Variants in GRPR observed in about 807,000 individuals in gnomAD.
GRPR encodes the protein gastrin-releasing peptide receptor.
In GRPR, 4 loss-of-function variants were observed where a neutral mutation model predicts 15.6. The ratio of observed to expected loss-of-function variants is 0.26; its 90% CI spans 0.13 to 0.59. The LOEUF is 0.59. GRPR is among the 20% of genes least tolerant of loss of function. GRPR has a pLI of 0.90. For synonymous variants in GRPR, 128 were observed against 126.8 expected, an observed-to-expected ratio of 1.01 and a Z score of -0.06; for missense variants, 270 against 304.1, an observed-to-expected ratio of 0.89 and a Z score of 0.83.
intron 1 of GRPR, among the ~76,000 whole-genome samples, chrX:16,128,253 G>A (rs1403640797): frequency 1.8e-5 from 2 of 112,298 alleles, no homozygotes; most frequent in African/African-American, 3.2e-5. Flanking sequence ...AGTGGCTCGC[G>A]CCTGTAATCC....
rs766017713 is a variant in GRPR, at chrX:16,149,991, TTTTA to T, written c.414-302_414-299del. On this transcript the variant is annotated intron_variant, in intron 1 of 2. Coordinates refer to ENST00000380289, the MANE Select transcript of GRPR (RefSeq NM_005314.3). Reference sequence around the variant, plus strand: ...GTTGTATACAGTAAATATATACAATTTTTATTTATTTATTTTTAATTGGCTTTAA... The same window carrying T: ...GTTGTATACAGTAAATATATACAATTTTTATTTATTTTTAATTGGCTTTAA... Among the ~76,000 whole-genome samples the T allele has an allele frequency of 4.6e-4, 51 of 111,898 alleles. No homozygotes were observed. In the South Asian group the frequency reaches 6.8e-3, roughly 15 times the overall value.
At chrX:16,139,581 A>G (rs1301101689) in intron 1 of GRPR, among the ~76,000 whole-genome samples, 1 of 111,759 alleles carries the variant, frequency 8.9e-6, no homozygotes, top group Non-Finnish European at 1.9e-5. Flanking sequence ...GATTTAAATA[A>G]TGCTGTTTTT....
rs1922244264 is a variant in GRPR, at chrX:16,123,858, C to T, written c.-96C>T. The stretch of plus-strand genomic sequence containing the variant: ...TTTTTATTAAAGAAGGCAAAGAGCC[C>T]GGCATAGATCTTATCTTCATCTTCA... On this transcript the variant is annotated 5_prime_UTR_variant, in exon 1 of 3. Transcript: ENST00000380289. 1.3e-5 allele frequency: 9 copies of T among 677,465 alleles called. No individual in the cohort carries two copies. The highest frequency in any genetic ancestry group is 3.2e-5 in the East Asian group (1 of 31,335). The allele number at this position is 677,465 out of a possible 1,213,427, so 55.8% of individuals were successfully genotyped here.
At chrX:16,145,367 A>T (rs1435000057) in intron 1 of GRPR, among the ~76,000 whole-genome samples, 1 of 112,160 alleles carries the variant, frequency 8.9e-6, no homozygotes, top group Non-Finnish European at 1.9e-5. Context: ...ATGGAACTGA[A>T]GATCATTTTG....
chrX:16,152,359 A>G lies in GRPR; in HGVS notation c.869A>G (p.His290Arg). ...GTCATCTACCTGTACCGCTCCTACCACTACTCTGAGGTGGACACCTCCATG... is the reference window on the plus strand; with the variant it reads ...GTCATCTACCTGTACCGCTCCTACCGCTACTCTGAGGTGGACACCTCCATG... ...NHVIYLYRSY[H>R]YSEVDTSMLH... The change falls in exon 3 of 3, where the codon CAC (histidine) becomes CGC (arginine). Residue 290 changes from histidine to arginine, a missense_variant. Transcript: ENST00000380289. 1 of 1,209,573 alleles carries G rather than the reference A, an allele frequency of 8.3e-7. No homozygotes were observed. Among genetic ancestry groups the G allele is most frequent in the South Asian group, 1.8e-5 (1 of 56,872 alleles).
At chrX:16,128,250 C>G (rs972565613) in intron 1 of GRPR, among the ~76,000 whole-genome samples, 4 of 112,353 alleles carry the variant, frequency 3.6e-5, no homozygotes, top group African/African-American at 1.3e-4. Flanking sequence ...CGCAGTGGCT[C>G]GCGCCTGTAA....
intron 1 of GRPR, among the ~76,000 whole-genome samples, chrX:16,126,761 C>T (rs1922299743): frequency 8.9e-6 from 1 of 112,092 alleles, no homozygotes; most frequent in Non-Finnish European, 1.9e-5. Flanking sequence ...TGTATTAATA[C>T]GTGTAACAGT....
chrX:16,143,856 A>G (rs1678150997), intron 1 of GRPR, among the ~76,000 whole-genome samples: 1 of 111,837 alleles, frequency 8.9e-6, no homozygotes, highest in Non-Finnish European at 1.9e-5. Context: ...GGTTCTTTCT[A>G]GTTATTTTGT....
In GRPR at chrX:16,152,405, C is replaced by T; in HGVS notation, c.915C>T (p.Ile305=). The T allele has an allele frequency of 1.7e-6, 2 of 1,211,059 alleles. No individual in the cohort carries two copies. The highest frequency in any genetic ancestry group is 3.5e-5 in the South Asian group (2 of 56,963). Residue 305 remains isoleucine, a synonymous_variant, in exon 3 of 3, where the codon ATC becomes ATT. Coordinates refer to ENST00000380289, the MANE Select transcript of GRPR (RefSeq NM_005314.3). ...CCATGCTCCACTTTGTCACCAGCAT[C>T]TGTGCCCGCCTCCTGGCCTTCACCA... is the stretch of plus-strand genomic sequence containing the variant. ...DTSMLHFVTS[I]CARLLAFTNS...
chrX:16,141,728 G>A (rs1459754678), intron 1 of GRPR, among the ~76,000 whole-genome samples: 1 of 112,192 alleles, frequency 8.9e-6, no homozygotes, highest in Non-Finnish European at 1.9e-5. Context: ...AGATAAGGGA[G>A]GAAAGTACCA....
chrX:16,150,167 T>C lies in GRPR; in HGVS notation c.414-138T>C, dbSNP rs1922672846. ...ACTCTCAGGGTCACAGAGCTCAGAG[T>C]CGGCACCCTCAGGACCCGAAAGTGA... is the stretch of plus-strand genomic sequence containing the variant. On this transcript the variant is annotated intron_variant, in intron 1 of 2. Transcript: ENST00000380289. 13 of 491,549 alleles carry C rather than the reference T, an allele frequency of 2.6e-5. 1 individual carries two copies. The Admixed American group carries it at 3.1e-4, about 12-fold the overall frequency. The allele number at this position is 491,549 out of a possible 1,213,427, so 40.5% of individuals were successfully genotyped here.
Position 16,124,229 on chromosome X carries a change from G to A in GRPR, c.276G>A (p.Thr92=), listed in dbSNP as rs773153701. 3.3e-6 allele frequency: 4 copies of A among 1,209,834 alleles called. No homozygotes were observed. The highest frequency in any genetic ancestry group is 4.5e-6 in the Non-Finnish European group (4 of 893,920). The part of the protein sequence containing the change: ...LALGDLLLLI[T]CAPVDASRYL... The stretch of plus-strand genomic sequence containing the variant: ...TGGGAGACCTGCTCCTCCTAATAAC[G>A]TGTGCTCCAGTGGATGCCAGCAGGT... The change falls in exon 1 of 3, where the codon ACG becomes ACA. Residue 92 remains threonine, a synonymous_variant. Transcript: ENST00000380289.
At chrX:16,131,260 C>T (rs778102788) in intron 1 of GRPR, among the ~76,000 whole-genome samples, 2 of 111,334 alleles carry the variant, frequency 1.8e-5, no homozygotes, top group Non-Finnish European at 3.8e-5. Context: ...TGCGTAAATT[C>T]TCTCTTAATT....
chrX:16,151,432 CT>C (rs1411817720), intron 2 of GRPR, among the ~76,000 whole-genome samples: 1 of 111,843 alleles, frequency 8.9e-6, no homozygotes, highest in Non-Finnish European at 1.9e-5. Context: ...AGCAGAAACA[CT>C]CCCCACTCCA....
chrX:16,153,383 T>C lies in GRPR; in HGVS notation c.*738T>C, dbSNP rs1446295258. On this transcript the variant is annotated 3_prime_UTR_variant, in exon 3 of 3. Transcript: ENST00000380289. ...TGGCTGTGCGTGATATCTCACACTC[T>C]GAATTCTTACTTGATGGAGGTTTTG... 1.8e-5 allele frequency: 2 copies of C among 112,182 alleles called. No homozygotes were observed. The highest frequency in any genetic ancestry group is 3.8e-5 in the Non-Finnish European group (2 of 53,253). The allele number at this position is 112,182 out of a possible 1,213,427, so 9.2% of individuals were successfully genotyped here.
At chrX:16,151,351 C>T (rs374565263) in intron 2 of GRPR, among the ~76,000 whole-genome samples, 12 of 112,037 alleles carry the variant, frequency 1.1e-4, no homozygotes, top group African/African-American at 3.9e-4. Context: ...AGCAAGGGCT[C>T]CGGCTTCCTC....
In GRPR at chrX:16,123,722, T is replaced by C; in HGVS notation, c.-232T>C. 2.4e-6 allele frequency: 1 copy of C among 413,454 alleles called. No homozygotes were observed. The highest frequency in any genetic ancestry group is 4.2e-6 in the Non-Finnish European group (1 of 237,901). The allele number at this position is 413,454 out of a possible 1,213,427, so 34.1% of individuals were successfully genotyped here. ...GCTAAGTTTTGTTGTTGTTAACTTA[T>C]TGAATTTAGAGTTGTATTGCACTGG... On this transcript the variant is annotated 5_prime_UTR_variant, in exon 1 of 3. Coordinates refer to ENST00000380289, the MANE Select transcript of GRPR (RefSeq NM_005314.3).
chrX:16,140,056 C>T (rs866288764), intron 1 of GRPR, among the ~76,000 whole-genome samples: 8 of 111,916 alleles, frequency 7.1e-5, no homozygotes, highest in Middle Eastern at 4.6e-3. Context: ...AGTCTTCATC[C>T]AGTCCCTCTC....
chrX:16,151,427 A>G (rs1922701300), intron 2 of GRPR, among the ~76,000 whole-genome samples: 1 of 111,717 alleles, frequency 9.0e-6, no homozygotes, highest in Non-Finnish European at 1.9e-5. Flanking sequence ...GGAAAAGCAG[A>G]AACACTCCCC....
Sources: gnomAD v4.1 joint callset for allele counts (sites outside exome capture counted in the v4.1 genomes callset) on GRCh38, gnomAD v4.1.1 for gene constraint, MANE v1.5 for transcripts, NCBI Gene and HGNC (gene_info 2026-07-23, HGNC 2026-07-21) for gene names.